SNX6: variants seen among roughly 807,000 people sequenced by gnomAD.
SNX6 encodes the protein sorting nexin-6.
SNX6 carries 34 observed loss-of-function variants against 63.0 expected under a neutral mutation model. The ratio of observed to expected loss-of-function variants is 0.54; its 90% CI spans 0.41 to 0.72. The LOEUF is 0.72. Among genes scored for constraint, SNX6 ranks in the 30% least tolerant of loss-of-function variants. The pLI is 0.00. For missense variants in SNX6, 398 were observed against 471.4 expected (o/e 0.84, Z 1.44); for synonymous variants, 170 against 164.2 (o/e 1.04, Z -0.27).
rs990065208 is a variant in SNX6, at chr14:34,565,279, G to A, written c.1168-2104C>T. Among the ~76,000 whole-genome samples, 8 of 151,472 alleles carry A rather than the reference G, an allele frequency of 5.3e-5. No individual in the cohort carries two copies. The East Asian group carries it at 1.4e-3, about 26-fold the overall frequency. ...TTTTTAGTAGAGACGGGGTTTCACC[G>A]TGGTAGCCAGGATGGTCTCGATCTC... On this transcript the variant is annotated intron_variant, in intron 13 of 13. Transcript: ENST00000362031.
At chr14:34,582,249 A>G (rs1337628040) in intron 9 of SNX6, among the ~76,000 whole-genome samples, 1 of 150,680 alleles carries the variant, frequency 6.6e-6, no homozygotes, top group African/African-American at 2.5e-5. Context: ...CTCCTGCCTC[A>G]GCCTCCTGAG....
chr14:34,568,131 G>GC, intron 11 of SNX6, 118 bp from the exon 12 acceptor site: 1 of 750,290 alleles, frequency 1.3e-6, no homozygotes, highest in African/African-American at 1.8e-5. Flanking sequence ...AATACTACAT[G>GC]CCAGTTACTC....
rs36102476 is a variant in SNX6 at position 34,602,425 on chromosome 14, TAA to T, written c.516+921_516+922del. Among the ~76,000 whole-genome samples, 7 of 138,620 alleles carry T rather than the reference TAA, an allele frequency of 5.0e-5. No homozygotes were observed. The East Asian group carries it at 8.5e-4, about 17-fold the overall frequency. The allele number at this position is 138,620 out of a possible 152,430, so 90.9% of individuals were successfully genotyped here. On this transcript the variant is annotated intron_variant, in intron 6 of 13. Coordinates refer to ENST00000362031, the MANE Select transcript of SNX6 (RefSeq NM_152233.4). ...TTGGGAAACAAGAGCGAAACTGTCT[TAA>T]AAAAAAAAAAAAAATTAGCTGGGCA...
chr14:34,572,995 T>C (rs891498882), intron 11 of SNX6, among the ~76,000 whole-genome samples: 1 of 152,066 alleles, frequency 6.6e-6, no homozygotes, highest in African/African-American at 2.4e-5. Flanking sequence ...TGTTAACTTT[T>C]TTAAAAGACA....
intron 8 of SNX6, among the ~76,000 whole-genome samples, chr14:34,587,403 G>C (rs1882213585): frequency 6.6e-6 from 1 of 151,562 alleles, no homozygotes; most frequent in Non-Finnish European, 1.5e-5. Flanking sequence ...TGTGGTGGCA[G>C]GCACCTGTAG....
intron 6 of SNX6, among the ~76,000 whole-genome samples, chr14:34,598,612 AC>A (rs1882690906): frequency 6.6e-6 from 1 of 152,148 alleles, no homozygotes; most frequent in South Asian, 2.1e-4. Flanking sequence ...TGAACTCCTG[AC>A]CTCAGGTGAT....
intron 2 of SNX6, among the ~76,000 whole-genome samples, chr14:34,616,786 T>G (rs1883434073): frequency 2.6e-5 from 4 of 152,100 alleles, no homozygotes; most frequent in Admixed American, 2.6e-4. Context: ...CATAAAAATT[T>G]AATCGGCTGG....
rs1880990964 is a variant in SNX6, at chr14:34,562,854, TA to T, written c.*267del. 2.3e-6 allele frequency: 1 copy of T among 429,596 alleles called. No individual in the cohort carries two copies. The highest frequency in any genetic ancestry group is 2.0e-5 in the African/African-American group (1 of 49,264). 26.6% of individuals were successfully genotyped at this position (429,596 alleles called of 1,614,324 possible). A position where few individuals can be genotyped will look rare whatever the true frequency, so the allele number is the denominator to read the frequency against. ...ATAAACAGAGTTATAGAGGCTACTT[TA>T]AAGAAGAATGAACTTTGGACTTCTG... is the stretch of plus-strand genomic sequence containing the variant. On this transcript the variant is annotated 3_prime_UTR_variant, in exon 14 of 14. Transcript: ENST00000362031.
At chr14:34,628,103 G>A (rs1368418768) in intron 2 of SNX6, among the ~76,000 whole-genome samples, 1 of 152,116 alleles carries the variant, frequency 6.6e-6, no homozygotes, top group East Asian at 1.9e-4. Context: ...ATAATCGCAG[G>A]AGGATCACTT....
At chr14:34,626,447 G>A (rs897424801) in intron 2 of SNX6, among the ~76,000 whole-genome samples, 1 of 150,084 alleles carries the variant, frequency 6.7e-6, no homozygotes, top group African/African-American at 2.5e-5. Flanking sequence ...AACGTCAGGA[G>A]ATCTAGACCA....
At chr14:34,596,227 A>G (rs570682024) in intron 7 of SNX6, among the ~76,000 whole-genome samples, 1 of 151,968 alleles carries the variant, frequency 6.6e-6, no homozygotes, top group African/African-American at 2.4e-5. Flanking sequence ...CAAAAAAAAA[A>G]AAGAAAAAAG....
intron 2 of SNX6, among the ~76,000 whole-genome samples, chr14:34,619,348 G>A (rs937161947): frequency 6.6e-6 from 1 of 152,018 alleles, no homozygotes; most frequent in African/African-American, 2.4e-5. Context: ...CTTGAACCCA[G>A]GAGGTGGAGG....
intron 2 of SNX6, chr14:34,629,583 G>T (rs1352310639): frequency 4.9e-6 from 3 of 615,572 alleles, no homozygotes; most frequent in Non-Finnish European, 9.1e-6. Context: ...AGTGTCGAGG[G>T]AGGGTGGGGG....
chr14:34,580,881 C>T lies in SNX6; in HGVS notation c.834+680G>A, dbSNP rs986023530. 3.3e-5 allele frequency among the ~76,000 whole-genome samples: 5 copies of T among 152,070 alleles called. No individual in the cohort carries two copies. In the East Asian group the frequency reaches 9.7e-4, roughly 29 times the overall value. ...TGTTTTCCCAGGCTGATCTCAAATT[C>T]CTGGACTCAAGAGATCCTCCTGCCT... On this transcript the variant is annotated intron_variant, in intron 10 of 13. Transcript: ENST00000362031.
At position 34,593,163 on chromosome 14, in the gene SNX6, A is replaced by G; in HGVS notation, c.613-13T>C. 6.6e-7 allele frequency: 1 copy of G among 1,510,678 alleles called. No homozygotes were observed. The highest frequency in any genetic ancestry group is 9.0e-7 in the Non-Finnish European group (1 of 1,112,132). The allele number at this position is 1,510,678 out of a possible 1,614,324, so 93.6% of individuals were successfully genotyped here. A position where few individuals can be genotyped will look rare whatever the true frequency, so the allele number is the denominator to read the frequency against. ...AATCATCTACATCCTATAAGATCAA[A>G]AGAAAATATAAACTTTTTTCACTTA... is the stretch of plus-strand genomic sequence containing the variant. On this transcript the variant is annotated splice_polypyrimidine_tract_variant and intron_variant, in intron 7 of 13. Transcript: ENST00000362031.
intron 7 of SNX6, among the ~76,000 whole-genome samples, chr14:34,596,895 C>A (rs571480732): frequency 9.2e-5 from 14 of 152,096 alleles, no homozygotes; most frequent in African/African-American, 3.4e-4. Flanking sequence ...GTCTCGAAAA[C>A]TCCTGACCTC....
At chr14:34,579,141 G>C (rs746161761) in intron 10 of SNX6, among the ~76,000 whole-genome samples, 1 of 151,614 alleles carries the variant, frequency 6.6e-6, no homozygotes, top group Non-Finnish European at 1.5e-5. Flanking sequence ...CTTTTCACGT[G>C]GTTATCATAT....
In SNX6 at chr14:34,573,525, A is replaced by G. The variant is rs937021125; in HGVS notation, c.921+2231T>C. On this transcript the variant is annotated intron_variant, in intron 11 of 13. Transcript: ENST00000362031. ...AGCAGGCAGAGGTTGCCATAACCCA[A>G]GATCATGCCACTGCACTCCAGCCTG... Among the ~76,000 whole-genome samples the G allele has an allele frequency of 1.2e-4, 19 of 152,196 alleles. No individual in the cohort carries two copies. The East Asian group carries it at 3.1e-3, about 25-fold the overall frequency.
At chr14:34,619,709 C>T (rs1883555965) in intron 2 of SNX6, among the ~76,000 whole-genome samples, 1 of 152,104 alleles carries the variant, frequency 6.6e-6, no homozygotes, top group Non-Finnish European at 1.5e-5. Context: ...ACCTCATCAA[C>T]ACCTCCAGTC....
Sources: gnomAD v4.1 joint callset for allele counts (sites outside exome capture counted in the v4.1 genomes callset) on GRCh38, gnomAD v4.1.1 for gene constraint, MANE v1.5 for transcripts, NCBI Gene and HGNC (gene_info 2026-07-23, HGNC 2026-07-21) for gene names.